ANKRD6: variants seen among roughly 807,000 people sequenced by gnomAD.
ANKRD6 encodes the protein ankyrin repeat domain 6, also known as ankyrin repeat domain-containing protein 6.
Under a neutral mutation model 82.3 loss-of-function variants are expected in ANKRD6, and 56 were observed. That is an observed-to-expected ratio of 0.68 (90% CI 0.55 to 0.85). ANKRD6 has a LOEUF of 0.85. Ranked by LOEUF, ANKRD6 falls within the 40% of genes least tolerant of loss-of-function variation. ANKRD6 has a pLI of 0.00. For synonymous variants in ANKRD6, 347 were observed against 352.1 expected, an observed-to-expected ratio of 0.99 and a Z score of 0.16; for missense variants, 852 against 907.6, an observed-to-expected ratio of 0.94 and a Z score of 0.79.
chr6:89,453,870 C>T (rs949721675), intron 1 of ANKRD6, among the ~76,000 whole-genome samples: 1 of 151,750 alleles, frequency 6.6e-6, no homozygotes. Context: ...GGCATGATCT[C>T]GGCTCACTGC....
At chr6:89,550,179 A>G (rs1464639897) in intron 1 of ANKRD6, among the ~76,000 whole-genome samples, 2 of 152,314 alleles carry the variant, frequency 1.3e-5, no homozygotes, top group East Asian at 1.9e-4. Flanking sequence ...TTAGGTATAT[A>G]TGGTATATAT....
At chr6:89,554,567 G>A (rs1437471775) in intron 1 of ANKRD6, among the ~76,000 whole-genome samples, 1 of 152,122 alleles carries the variant, frequency 6.6e-6, no homozygotes, top group Non-Finnish European at 1.5e-5. Context: ...ACATGAAAAA[G>A]TAAGAGAAGG....
intron 1 of ANKRD6, among the ~76,000 whole-genome samples, chr6:89,499,864 G>A (rs909702930): frequency 3.9e-5 from 6 of 151,960 alleles, no homozygotes; most frequent in Admixed American, 1.3e-4. Flanking sequence ...GATTCCTCAA[G>A]ACTTCAGCAT....
At chr6:89,563,716 C>T (rs1156662700) in intron 1 of ANKRD6, among the ~76,000 whole-genome samples, 3 of 151,216 alleles carry the variant, frequency 2.0e-5, no homozygotes, top group Non-Finnish European at 4.4e-5. Flanking sequence ...TCTTAAACTG[C>T]CCCCCACCCC....
intron 1 of ANKRD6, among the ~76,000 whole-genome samples, chr6:89,544,143 T>C (rs989292200): frequency 6.6e-6 from 1 of 150,482 alleles, no homozygotes; most frequent in African/African-American, 2.5e-5. Context: ...TGATCTTTCA[T>C]AAGAGATCCA....
chr6:89,471,385 A>C (rs1192774898), intron 1 of ANKRD6, among the ~76,000 whole-genome samples: 1 of 146,644 alleles, frequency 6.8e-6, no homozygotes, highest in East Asian at 2.0e-4. Context: ...AAAAAAGAGG[A>C]GATCTAGGCA....
chr6:89,624,121 G>A, intron 12 of ANKRD6, 64 bp downstream of exon 12: 1 of 1,493,510 alleles, frequency 6.7e-7, no homozygotes, highest in Non-Finnish European at 9.0e-7. Flanking sequence ...TTGTTTAACG[G>A]CATTCCTGGG....
chr6:89,440,959 G>A (rs1771298495), intron 1 of ANKRD6, among the ~76,000 whole-genome samples: 1 of 151,914 alleles, frequency 6.6e-6, no homozygotes, highest in South Asian at 2.1e-4. Flanking sequence ...AGATTACCTG[G>A]CCCACAAAAC....
chr6:89,445,177 T>C (rs1771908913), intron 1 of ANKRD6, among the ~76,000 whole-genome samples: 1 of 152,102 alleles, frequency 6.6e-6, no homozygotes, highest in Non-Finnish European at 1.5e-5. Flanking sequence ...TGTCTCTATG[T>C]CACACTTTGG....
Position 89,487,172 on chromosome 6 carries a change from AC to A in ANKRD6, c.-144+53799del, listed in dbSNP as rs758532131. On this transcript the variant is annotated intron_variant, in intron 1 of 15. Transcript: ENST00000339746. ...TATAATGGGGAGAATGTTAATACCAACCACATTGGTGTGTTCTGAGAATTAA... is the reference window on the plus strand; with the variant it reads ...TATAATGGGGAGAATGTTAATACCAACACATTGGTGTGTTCTGAGAATTAA... 4.2e-4 allele frequency among the ~76,000 whole-genome samples: 64 copies of A among 152,328 alleles called. 2 individuals are homozygous for A. Among genetic ancestry groups the A allele is most frequent in the Middle Eastern group, 6.8e-3 (2 of 294 alleles).
chr6:89,610,760 C>T (rs1405843417), intron 5 of ANKRD6, among the ~76,000 whole-genome samples: 1 of 150,848 alleles, frequency 6.6e-6, no homozygotes, highest in East Asian at 1.9e-4. Flanking sequence ...TTAGACCCTC[C>T]TGGGGAACTA....
chr6:89,591,119 TTA>T (rs936754521), intron 2 of ANKRD6, among the ~76,000 whole-genome samples: 3 of 152,106 alleles, frequency 2.0e-5, no homozygotes, highest in Non-Finnish European at 4.4e-5. Context: ...CTTTCTTTTT[TTA>T]AGGAGAAGGT....
chr6:89,555,463 A>G (rs1268682135), intron 1 of ANKRD6, among the ~76,000 whole-genome samples: 1 of 152,108 alleles, frequency 6.6e-6, no homozygotes, highest in African/African-American at 2.4e-5. Context: ...GCTTATAGTC[A>G]TTAAGAAACT....
intron 1 of ANKRD6, among the ~76,000 whole-genome samples, chr6:89,543,995 C>T (rs1398358439): frequency 1.3e-5 from 2 of 152,246 alleles, no homozygotes; most frequent in African/African-American, 4.8e-5. Flanking sequence ...GTGTCTCTTA[C>T]TGTCAACTCC....
intron 1 of ANKRD6, among the ~76,000 whole-genome samples, chr6:89,486,621 T>A (rs891781117): frequency 7.2e-5 from 11 of 152,180 alleles, no homozygotes; most frequent in African/African-American, 2.2e-4. Context: ...CTTTTAAAAA[T>A]TTTTTAAATA....
intron 1 of ANKRD6, among the ~76,000 whole-genome samples, chr6:89,453,788 T>G (rs1246447095): frequency 6.7e-6 from 1 of 149,964 alleles, no homozygotes; most frequent in East Asian, 1.9e-4. Flanking sequence ...TATTTTTATT[T>G]TATTTTATTT....
chr6:89,521,673 G>A (rs1303332496), intron 1 of ANKRD6, among the ~76,000 whole-genome samples: 2 of 152,148 alleles, frequency 1.3e-5, no homozygotes, highest in Admixed American at 1.3e-4. Flanking sequence ...TTAGGGCAGA[G>A]AATAGGGGTC....
intron 1 of ANKRD6, among the ~76,000 whole-genome samples, chr6:89,551,816 G>A (rs917816291): frequency 2.0e-5 from 3 of 152,180 alleles, no homozygotes; most frequent in Non-Finnish European, 4.4e-5. Context: ...ATAATAATGA[G>A]ACTATCCTGA....
chr6:89,492,252 C>A (rs541914500), intron 1 of ANKRD6, among the ~76,000 whole-genome samples: 1 of 152,166 alleles, frequency 6.6e-6, no homozygotes, highest in East Asian at 1.9e-4. Context: ...GGCCTGAGCG[C>A]GGATTTTGTG....
Sources: gnomAD v4.1 joint callset for allele counts (sites outside exome capture counted in the v4.1 genomes callset) on GRCh38, gnomAD v4.1.1 for gene constraint, MANE v1.5 for transcripts, NCBI Gene and HGNC (gene_info 2026-07-23, HGNC 2026-07-21) for gene names.